The following SLA2 variants were observed in gnomAD, a reference collection of about 807,000 sequenced individuals.
SLA2 encodes Src like adaptor 2.
In SLA2, 22 loss-of-function variants were observed where a neutral mutation model predicts 27.3. That is an observed-to-expected ratio of 0.81 (90% CI 0.58 to 1.15). The LOEUF is 1.15. SLA2 is among the 50% of genes most tolerant of loss of function. The probability of loss-of-function intolerance (pLI) is 0.00; values close to 1 mark genes in which losing one functional copy is unlikely to be tolerated. For synonymous variants in SLA2, 131 were observed against 137.8 expected, an observed-to-expected ratio of 0.95 and a Z score of 0.34; for missense variants, 304 against 322.2, an observed-to-expected ratio of 0.94 and a Z score of 0.43.
intron 5 of SLA2, among the ~76,000 whole-genome samples, chr20:36,621,582 C>T (rs1166336294): frequency 7.0e-6 from 1 of 142,756 alleles, no homozygotes; most frequent in Non-Finnish European, 1.5e-5. Flanking sequence ...GCCGAGATCG[C>T]GCCACTGCAC....
At position 36,632,226 on chromosome 20, in the gene SLA2, G is replaced by A. The variant is rs76157912; in HGVS notation, c.382+369C>T. 6.1e-3 allele frequency among the ~76,000 whole-genome samples: 923 copies of A among 152,156 alleles called. 11 individuals are homozygous for A. Among genetic ancestry groups the A allele is most frequent in the African/African-American group, 0.021 (891 of 41,486 alleles). The stretch of plus-strand genomic sequence containing the variant: ...CTCACTTCTAACCTCCTATTGTCCC[G>A]AGGTGCAGCCCACTGGCCCACCCCA... On this transcript the variant is annotated intron_variant, in intron 5 of 7. Transcript: ENST00000262866.
chr20:36,631,129 T>C (rs1017309829), intron 5 of SLA2, among the ~76,000 whole-genome samples: 2 of 152,220 alleles, frequency 1.3e-5, no homozygotes, highest in Admixed American at 6.5e-5. Context: ...TGGCTGAGCC[T>C]AGATCCCTAC....
chr20:36,636,645 T>A (rs1014499068), intron 2 of SLA2, among the ~76,000 whole-genome samples: 2 of 139,682 alleles, frequency 1.4e-5, no homozygotes, highest in Non-Finnish European at 3.1e-5. Context: ...TATATATATA[T>A]ATATATATGG....
chr20:36,617,217 AT>A (rs1370045100), intron 5 of SLA2, among the ~76,000 whole-genome samples: 3 of 151,026 alleles, frequency 2.0e-5, no homozygotes, highest in African/African-American at 7.3e-5. Flanking sequence ...AAAAAAAAAA[AT>A]TAGCCAGGTG....
chr20:36,636,823 T>C (rs961829961), intron 2 of SLA2, among the ~76,000 whole-genome samples: 3 of 148,198 alleles, frequency 2.0e-5, no homozygotes, highest in African/African-American at 7.5e-5. Flanking sequence ...TGGTGGCACG[T>C]CCCTGTAATC....
chr20:36,632,865 C>A (rs1041003756), intron 4 of SLA2, among the ~76,000 whole-genome samples, 167 bp from the exon 5 acceptor site: 1 of 152,090 alleles, frequency 6.6e-6, no homozygotes, highest in Non-Finnish European at 1.5e-5. Context: ...GAGGTCCATG[C>A]CATTTTTGTC....
rs746943347 is a variant in SLA2 at position 36,614,376 on chromosome 20, C to T, written c.594G>A (p.Pro198=). 14 of 1,613,916 alleles carry T rather than the reference C, an allele frequency of 8.7e-6. No homozygotes were observed. The highest frequency in any genetic ancestry group is 5.3e-5 in the African/African-American group (4 of 74,904). ...GTAGGGGTATATCCTTGCCAGGGAG[C>T]GGGCCAGCCCTCTGCAGGACACAGG... ...KEPCVLQRAG[P]LPGKDIPLPV... Residue 198 remains proline, a synonymous_variant, in exon 7 of 8, where the codon CCG becomes CCA. Coordinates refer to ENST00000262866, the MANE Select transcript of SLA2 (RefSeq NM_032214.4).
chr20:36,639,592 G>A (rs7263780), intron 2 of SLA2, among the ~76,000 whole-genome samples: 2,340 of 152,068 alleles, frequency 0.015, 69 homozygotes, highest in African/African-American at 0.053. Context: ...AGTGGCTCAC[G>A]CCTGTAATCC....
chr20:36,638,309 A>C (rs558427885), intron 2 of SLA2, among the ~76,000 whole-genome samples: 79 of 151,784 alleles, frequency 5.2e-4, no homozygotes, highest in African/African-American at 1.8e-3. Context: ...GAATTTAGGC[A>C]ATTTATTGTT....
At chr20:36,621,301 C>A in intron 5 of SLA2, 1 of 607,394 alleles carries the variant, frequency 1.6e-6, no homozygotes. Flanking sequence ...TAGTGGACAA[C>A]AGCAATCAAA....
intron 5 of SLA2, among the ~76,000 whole-genome samples, chr20:36,617,740 C>T (rs868566392): frequency 2.8e-4 from 43 of 151,490 alleles, no homozygotes; most frequent in African/African-American, 9.2e-4. Context: ...GCCTGTAATC[C>T]CAGCTACTCA....
chr20:36,632,754 G>A, intron 4 of SLA2, 56 bp from the exon 5 acceptor site: 2 of 1,463,910 alleles, frequency 1.4e-6, no homozygotes, highest in Non-Finnish European at 1.9e-6. Context: ...GAAGAGGGAA[G>A]CCAAGATTTT....
chr20:36,614,038 A>G (rs756350112), intron 7 of SLA2, 52 bp from the exon 8 acceptor site: 1 of 1,604,346 alleles, frequency 6.2e-7, no homozygotes, highest in Non-Finnish European at 8.5e-7. Context: ...TCCTCCCTGT[A>G]CTCACTACAC....
rs1236142161 is a variant in SLA2 at position 36,613,839 on chromosome 20, G to A, written c.*27C>T. On this transcript the variant is annotated 3_prime_UTR_variant, in exon 8 of 8. Transcript: ENST00000262866. Reference sequence around the variant, plus strand: ...TTGGGGTTCTAGGTGTGCAGCCTTGGTTTCCCTTTTGGCCTCTCCTTTGGG... The same window carrying A: ...TTGGGGTTCTAGGTGTGCAGCCTTGATTTCCCTTTTGGCCTCTCCTTTGGG... 1.2e-6 allele frequency: 2 copies of A among 1,606,162 alleles called. No individual in the cohort carries two copies. Among genetic ancestry groups the A allele is most frequent in the South Asian group, 1.1e-5 (1 of 90,598 alleles).
intron 5 of SLA2, among the ~76,000 whole-genome samples, chr20:36,632,020 T>A (rs578811): frequency 6.2e-4 from 95 of 152,106 alleles, no homozygotes; most frequent in Non-Finnish European, 1.2e-3. Flanking sequence ...TGACCCCCCA[T>A]CTCCTCTACT....
intron 5 of SLA2, among the ~76,000 whole-genome samples, chr20:36,629,810 C>T (rs1308000168): frequency 2.6e-5 from 4 of 151,958 alleles, no homozygotes; most frequent in Non-Finnish European, 5.9e-5. Context: ...TGGTAGCACT[C>T]GCCTGTAATC....
At chr20:36,633,322 C>G (rs544620902) in intron 4 of SLA2, among the ~76,000 whole-genome samples, 1 of 152,180 alleles carries the variant, frequency 6.6e-6, no homozygotes, top group East Asian at 1.9e-4. Context: ...CCCAGAGCTC[C>G]ACACCTCCTC....
intron 4 of SLA2, 85 bp from the exon 5 acceptor site, chr20:36,632,783 C>A (rs1029667646): frequency 2.9e-6 from 3 of 1,039,384 alleles, no homozygotes; most frequent in Non-Finnish European, 4.3e-6. Context: ...CGCTGAGTGA[C>A]CCTCACAAGG....
rs1212360404 is a variant in SLA2 at position 36,633,956 on chromosome 20, G to A, written c.192-327C>T. On this transcript the variant is annotated intron_variant, in intron 3 of 7. Coordinates refer to ENST00000262866, the MANE Select transcript of SLA2 (RefSeq NM_032214.4). The stretch of plus-strand genomic sequence containing the variant: ...TTGTGCTTTTCTACCTGGGGGAAGG[G>A]CCCCTTCTCCCGGGACAGTATCTCT... 2.0e-5 allele frequency among the ~76,000 whole-genome samples: 3 copies of A among 151,154 alleles called. No individual in the cohort carries two copies. The Admixed American group carries it at 2.0e-4, about 10-fold the overall frequency.
Sources: gnomAD v4.1 joint callset for allele counts (sites outside exome capture counted in the v4.1 genomes callset) on GRCh38, gnomAD v4.1.1 for gene constraint, MANE v1.5 for transcripts, NCBI Gene and HGNC (gene_info 2026-07-23, HGNC 2026-07-21) for gene names.